Variants in SGMS1 observed in about 807,000 individuals in gnomAD.
The protein encoded by SGMS1 is sphingomyelin synthase 1, also known as phosphatidylcholine:ceramide cholinephosphotransferase 1.
A neutral mutation model predicts 46.2 loss-of-function variants in SGMS1; 13 were observed. That is an observed-to-expected ratio of 0.28 (90% CI 0.18 to 0.45). The LOEUF (loss-of-function observed/expected upper bound fraction) is 0.45. Among genes scored for constraint, SGMS1 ranks in the 20% least tolerant of loss-of-function variants. The pLI is 1.00. For synonymous variants in SGMS1, 203 were observed against 187.8 expected (o/e 1.08, Z -0.66); for missense variants, 324 against 519.9 (o/e 0.62, Z 3.66).
chr10:50,344,230 G>T lies in SGMS1; in HGVS notation c.-116C>A. ...TCGTTCATCCTGTGGGGCCTCATGAGCAGAGACTTGTTTGGCAAGATGGTC... is the reference window on the plus strand; with the variant it reads ...TCGTTCATCCTGTGGGGCCTCATGATCAGAGACTTGTTTGGCAAGATGGTC... On this transcript the variant is annotated 5_prime_UTR_variant, in exon 7 of 11. Coordinates refer to ENST00000361781, the MANE Select transcript of SGMS1 (RefSeq NM_147156.4). The T allele has an allele frequency of 7.2e-7, 1 of 1,383,172 alleles. No homozygotes were observed. Among genetic ancestry groups the T allele is most frequent in the Non-Finnish European group, 9.7e-7 (1 of 1,036,110 alleles). The allele number at this position is 1,383,172 out of a possible 1,614,324, so 85.7% of individuals were successfully genotyped here.
At chr10:50,423,649 A>C (rs1849283900) in intron 6 of SGMS1, among the ~76,000 whole-genome samples, 2 of 151,642 alleles carry the variant, frequency 1.3e-5, no homozygotes, top group African/African-American at 4.9e-5. Context: ...AAAAAAAAAA[A>C]CTAAGTGCAC....
At chr10:50,550,394 T>G (rs1182537534) in intron 2 of SGMS1, among the ~76,000 whole-genome samples, 2 of 152,168 alleles carry the variant, frequency 1.3e-5, no homozygotes, top group African/African-American at 4.8e-5. Flanking sequence ...CTCTATCTAA[T>G]TTGCATGAAG....
chr10:50,606,927 C>T (rs1838702850), intron 1 of SGMS1, among the ~76,000 whole-genome samples: 1 of 151,460 alleles, frequency 6.6e-6, no homozygotes, highest in South Asian at 2.1e-4. Context: ...CAAAGATGTT[C>T]AAAGATGGAA....
chr10:50,462,113 A>AG (rs1399067914), intron 4 of SGMS1, among the ~76,000 whole-genome samples: 3 of 152,126 alleles, frequency 2.0e-5, no homozygotes, highest in Non-Finnish European at 4.4e-5. Flanking sequence ...AGAAAAAAAA[A>AG]TAACAATGCA....
At chr10:50,342,628 G>A (rs1176205500) in intron 7 of SGMS1, 1 of 152,158 alleles carries the variant, frequency 6.6e-6, no homozygotes, top group East Asian at 1.9e-4. Context: ...ACCACATGGT[G>A]GATCATGAAA....
chr10:50,377,189 C>T (rs768229508), intron 6 of SGMS1, among the ~76,000 whole-genome samples: 4 of 152,288 alleles, frequency 2.6e-5, no homozygotes, highest in Middle Eastern at 3.4e-3. Flanking sequence ...GGTTGGTTTC[C>T]GGTGAGGGCC....
chr10:50,569,577 T>TA (rs1838319733), intron 2 of SGMS1, among the ~76,000 whole-genome samples: 1 of 152,172 alleles, frequency 6.6e-6, no homozygotes, highest in Admixed American at 6.5e-5. Flanking sequence ...GCTTTACTGG[T>TA]CATTTGTCTG....
At chr10:50,472,492 T>C (rs1159928908) in intron 3 of SGMS1, among the ~76,000 whole-genome samples, 1 of 152,140 alleles carries the variant, frequency 6.6e-6, no homozygotes, top group African/African-American at 2.4e-5. Context: ...ATGACAGAAT[T>C]ATCTCTATCC....
chr10:50,611,632 C>A (rs1838750264), intron 1 of SGMS1, among the ~76,000 whole-genome samples: 1 of 152,208 alleles, frequency 6.6e-6, no homozygotes, highest in African/African-American at 2.4e-5. Flanking sequence ...ACCAGGACAG[C>A]CTGACTTGGG....
At chr10:50,429,806 A>G (rs1849383032) in intron 6 of SGMS1, among the ~76,000 whole-genome samples, 1 of 152,016 alleles carries the variant, frequency 6.6e-6, no homozygotes, top group Admixed American at 6.6e-5. Context: ...TCTCTCAAGA[A>G]TTTTAAAAGA....
chr10:50,327,520 A>G (rs1847550694), intron 7 of SGMS1, among the ~76,000 whole-genome samples, 198 bp from the exon 8 acceptor site: 1 of 152,230 alleles, frequency 6.6e-6, no homozygotes, highest in African/African-American at 2.4e-5. Context: ...TTTAAAAAAT[A>G]TATTAACTGG....
chr10:50,454,265 T>C, intron 5 of SGMS1, among the ~76,000 whole-genome samples: 1 of 151,810 alleles, frequency 6.6e-6, no homozygotes, highest in African/African-American at 2.4e-5. Flanking sequence ...CACTCTCAAG[T>C]GAGTGGAGAG....
intron 7 of SGMS1, chr10:50,343,202 G>A (rs1032284497): frequency 3.6e-6 from 1 of 279,970 alleles, no homozygotes; most frequent in Non-Finnish European, 6.7e-6. Flanking sequence ...AGCCTGTACT[G>A]TCTGAAGATG....
At chr10:50,545,621 C>T (rs747305443) in intron 2 of SGMS1, among the ~76,000 whole-genome samples, 3 of 151,870 alleles carry the variant, frequency 2.0e-5, no homozygotes, top group African/African-American at 7.3e-5. Context: ...GTTTTTTAGT[C>T]GAGACAGGGT....
rs181425564 is a variant in SGMS1, at chr10:50,365,597, C to T, written c.-231-21252G>A. ...CTCTCTCCTCTTGCCCCCATACCCC[C>T]GACAGGCCCCGCTGTGTGTTGTTCC... On this transcript the variant is annotated intron_variant, in intron 6 of 10. Coordinates refer to ENST00000361781, the MANE Select transcript of SGMS1 (RefSeq NM_147156.4). Among the ~76,000 whole-genome samples the T allele has an allele frequency of 3.3e-5, 5 of 152,140 alleles. No homozygotes were observed. The East Asian group carries it at 5.8e-4, about 18-fold the overall frequency.
intron 1 of SGMS1, among the ~76,000 whole-genome samples, chr10:50,614,194 T>C (rs566990882): frequency 6.6e-6 from 1 of 152,166 alleles, no homozygotes; most frequent in Admixed American, 6.5e-5. Flanking sequence ...GATGTAATGA[T>C]GGCACTCCAA....
chr10:50,567,199 C>T (rs1200230122), intron 2 of SGMS1, among the ~76,000 whole-genome samples: 2 of 152,302 alleles, frequency 1.3e-5, no homozygotes, highest in Non-Finnish European at 1.5e-5. Flanking sequence ...CCTGCCTTGG[C>T]CTCCCAAAGT....
chr10:50,392,750 G>A (rs994769110), intron 6 of SGMS1, among the ~76,000 whole-genome samples: 1 of 152,156 alleles, frequency 6.6e-6, no homozygotes, highest in African/African-American at 2.4e-5. Context: ...ATGATGTCTG[G>A]GATTTGTCTT....
At chr10:50,533,080 C>T (rs1180436483) in intron 2 of SGMS1, among the ~76,000 whole-genome samples, 1 of 152,084 alleles carries the variant, frequency 6.6e-6, no homozygotes, top group Non-Finnish European at 1.5e-5. Context: ...AAAAAAAATG[C>T]TGAGCTAATG....
Sources: gnomAD v4.1 joint callset for allele counts (sites outside exome capture counted in the v4.1 genomes callset) on GRCh38, gnomAD v4.1.1 for gene constraint, MANE v1.5 for transcripts, NCBI Gene and HGNC (gene_info 2026-07-23, HGNC 2026-07-21) for gene names.